The following IRS2 variants were observed in gnomAD, a reference collection of about 807,000 sequenced individuals.
IRS2 encodes the protein insulin receptor substrate 2.
IRS2 carries 28 observed loss-of-function variants against 70.9 expected under a neutral mutation model. That is an observed-to-expected ratio of 0.39 (90% CI 0.29 to 0.54). IRS2 has a LOEUF of 0.54. IRS2 is among the 20% of genes least tolerant of loss of function. The pLI is 0.59. For synonymous variants in IRS2, 1,217 were observed against 981.9 expected (o/e 1.24, Z -4.48); for missense variants, 2,081 against 2,024.1 (o/e 1.03, Z -0.54).
chr13:109,759,311 AT>A (rs1292125284), intron 1 of IRS2, among the ~76,000 whole-genome samples: 1 of 152,116 alleles, frequency 6.6e-6, no homozygotes, highest in Non-Finnish European at 1.5e-5. Context: ...TTGCTTAGAC[AT>A]CCCCCCACCC....
intron 1 of IRS2, among the ~76,000 whole-genome samples, chr13:109,761,889 A>G (rs908086368): frequency 6.6e-6 from 1 of 152,212 alleles, no homozygotes; most frequent in Non-Finnish European, 1.5e-5. Context: ...GATGTTAATG[A>G]CACAATACAA....
Position 109,785,534 on chromosome 13 carries a change from AGCCGCCCAGGGC to A in IRS2, c.508_519del (p.Ala170_Gly173del), listed in dbSNP as rs1251252929. The A allele has an allele frequency of 6.3e-6, 10 of 1,583,126 alleles. No homozygotes were observed. The highest frequency in any genetic ancestry group is 8.6e-6 in the Non-Finnish European group (10 of 1,165,308). On this transcript the variant is annotated inframe_deletion, in exon 1 of 2. Transcript: ENST00000375856. This position sits in a 1 kb window ranked among gnomAD's most constrained non-coding sequence, Gnocchi z 9.3. ...TCCTCGGCCCCGGCGGCGCCGGCAG[AGCCGCCCAGGGC>A]GCCGGGCAGGGAGGCGCTGCAGGAC...
Position 109,782,477 on chromosome 13 carries a change from C to T in IRS2, c.3577G>A (p.Gly1193Ser), listed in dbSNP as rs767707896. The T allele has an allele frequency of 1.3e-6, 2 of 1,558,912 alleles. No homozygotes were observed. Among genetic ancestry groups the T allele is most frequent in the Non-Finnish European group, 1.7e-6 (2 of 1,152,290 alleles). Reference protein sequence around the residue: ...RKSSEGGVGVGPGGGDEPPTS... With the variant: ...RKSSEGGVGVSPGGGDEPPTS... ...GGCGGCTCGTCGCCCCCTCCAGGGC[C>T]GACACCCACGCCGCCCTCGCTGCTT... The change falls in exon 1 of 2, where the codon GGC becomes AGC. Residue 1193 changes from glycine to serine, a missense_variant. Transcript: ENST00000375856.
chr13:109,776,746 C>T (rs1877588148), intron 1 of IRS2, among the ~76,000 whole-genome samples: 1 of 152,156 alleles, frequency 6.6e-6, no homozygotes, highest in Non-Finnish European at 1.5e-5. Context: ...TCATCTCCTC[C>T]ATGCCAAATG....
chr13:109,784,158 G>C lies in IRS2; in HGVS notation c.1896C>G (p.Tyr632Ter), dbSNP rs1354848601. 1 of 1,589,798 alleles carries C rather than the reference G, an allele frequency of 6.3e-7. No homozygotes were observed. Among genetic ancestry groups the C allele is most frequent in the Non-Finnish European group, 8.5e-7 (1 of 1,173,552 alleles). ...TGTGGGAGCCGATCTCGATGTCTCC[G>C]TAGTCCTCTGGGTAGGGGTGGTAGG... ...KVAYHPYPED[Y>*]GDIEIGSHRS... is the part of the protein sequence containing the mutation. The change falls in exon 1 of 2, where the codon TAC (tyrosine) becomes TAG (stop). Residue 632 changes from tyrosine (Y) to a stop codon, truncating the protein, a stop_gained. Transcript: ENST00000375856. LOFTEE classifies it high-confidence loss of function. The surrounding 1 kb of genome is among the most constrained non-coding windows in gnomAD (Gnocchi z 5.2).
At chr13:109,773,550 G>A (rs1480974690) in intron 1 of IRS2, among the ~76,000 whole-genome samples, 3 of 152,142 alleles carry the variant, frequency 2.0e-5, no homozygotes, top group East Asian at 3.8e-4. Flanking sequence ...TAGGCCTTTC[G>A]ATTTCACTGG....
chr13:109,760,104 T>C (rs1877195494), intron 1 of IRS2, among the ~76,000 whole-genome samples: 1 of 152,322 alleles, frequency 6.6e-6, no homozygotes, highest in Non-Finnish European at 1.5e-5. Flanking sequence ...ATGATCAAAC[T>C]TCAGGCTTCC....
intron 1 of IRS2, among the ~76,000 whole-genome samples, chr13:109,764,470 A>C (rs561663642): frequency 3.3e-4 from 51 of 152,312 alleles, no homozygotes; most frequent in African/African-American, 1.1e-3. Context: ...AAAATATATA[A>C]ATAATTAATA....
Position 109,785,001 on chromosome 13 carries a change from C to T in IRS2, c.1053G>A (p.Pro351=). The T allele has an allele frequency of 7.1e-7, 1 of 1,408,162 alleles. No homozygotes were observed. Among genetic ancestry groups the T allele is most frequent in the Non-Finnish European group, 9.2e-7 (1 of 1,087,294 alleles). The allele number at this position is 1,408,162 out of a possible 1,614,324, so 87.2% of individuals were successfully genotyped here. ...GGCACGAGCTGCACTTGGCCGCCGG[C>T]GGGGTGGCGGCCAGGCTGTCGGTGC... ...RSRTDSLAAT[P]PAAKCSSCRV... The change falls in exon 1 of 2, where the codon CCG becomes CCA. Residue 351 remains proline, a synonymous_variant. Transcript: ENST00000375856. This position sits in a 1 kb window ranked among gnomAD's most constrained non-coding sequence, Gnocchi z 9.3.
In IRS2 at chr13:109,784,785, GC is replaced by G; in HGVS notation, c.1268del (p.Gly423AlafsTer121). Reference protein sequence around the residue: ...GSKVALLPAGGALQHSRSMSM... With the variant: ...GSKVALLPAGXALQHSRSMSM... ...ACATGGAGCGGCTGTGTTGCAGCGC[GC>G]CCCCTGCCGGCAGCAGCGCCACCTT... On this transcript the variant is annotated frameshift_variant, in exon 1 of 2. Transcript: ENST00000375856. LOFTEE classifies it high-confidence loss of function. This position sits in a 1 kb window ranked among gnomAD's most constrained non-coding sequence, Gnocchi z 5.2. 11 of 1,255,424 alleles carry G rather than the reference GC, an allele frequency of 8.8e-6. No homozygotes were observed. The highest frequency in any genetic ancestry group is 2.5e-5 in the South Asian group (1 of 40,114). The allele number at this position is 1,255,424 out of a possible 1,614,324, so 77.8% of individuals were successfully genotyped here.
intron 1 of IRS2, among the ~76,000 whole-genome samples, chr13:109,770,000 G>A (rs139411929): frequency 6.6e-6 from 1 of 152,244 alleles, no homozygotes; most frequent in Non-Finnish European, 1.5e-5. Context: ...ACTGCAAAAG[G>A]TGGCAAAAGG....
intron 1 of IRS2, among the ~76,000 whole-genome samples, chr13:109,778,539 A>G (rs1361542048): frequency 6.6e-6 from 1 of 152,220 alleles, no homozygotes; most frequent in Non-Finnish European, 1.5e-5. Context: ...CACCCGCCAC[A>G]GCAAACAGAA....
rs768683975 is a variant in IRS2, at chr13:109,783,774, C to G, written c.2280G>C (p.Leu760=). 1.3e-6 allele frequency: 2 copies of G among 1,597,246 alleles called. No homozygotes were observed. The highest frequency in any genetic ancestry group is 2.3e-5 in the East Asian group (1 of 43,872). The part of the protein sequence containing the change: ...KLSMEHADGK[L]LPNGDYLNVS... The stretch of plus-strand genomic sequence containing the variant: ...CGTTGAGGTAGTCCCCGTTGGGCAG[C>G]AGCTTGCCATCTGCATGCTCCATGG... The change falls in exon 1 of 2, where the codon CTG becomes CTC. Residue 760 remains leucine (L), a synonymous_variant. Transcript: ENST00000375856.
In IRS2 at chr13:109,785,370, G is replaced by A. The variant is rs1269609206; in HGVS notation, c.684C>T (p.Phe228=). The A allele has an allele frequency of 6.2e-7, 1 of 1,612,402 alleles. No individual in the cohort carries two copies. The highest frequency in any genetic ancestry group is 8.5e-7 in the Non-Finnish European group (1 of 1,179,868). ...ACGGCTGCTCGCAGTTGAGCTTCAC[G>A]AAGCCGATGGTGCGCGCAGACAGGC... ...RLCLSARTIG[F]VKLNCEQPSV... The change falls in exon 1 of 2, where the codon TTC becomes TTT. Residue 228 remains phenylalanine, a synonymous_variant. Coordinates refer to ENST00000375856, the MANE Select transcript of IRS2 (RefSeq NM_003749.3). The surrounding 1 kb of genome is among the most constrained non-coding windows in gnomAD (Gnocchi z 9.3).
chr13:109,783,918 G>A lies in IRS2; in HGVS notation c.2136C>T (p.Pro712=), dbSNP rs1276466845. ...GGAATGTCCTGCCCGCCGCAGAGGT[G>A]GGTGCTGGCCCCGCAGGCCCCGCAG... ...VPSAGPAGPA[P]TSAAGRTFPA... is the part of the protein sequence containing the mutation. The change falls in exon 1 of 2, where the codon CCC becomes CCT. Residue 712 remains proline, a synonymous_variant. Coordinates refer to ENST00000375856, the MANE Select transcript of IRS2 (RefSeq NM_003749.3). The A allele has an allele frequency of 6.5e-7, 1 of 1,543,850 alleles. No individual in the cohort carries two copies. Among genetic ancestry groups the A allele is most frequent in the South Asian group, 1.2e-5 (1 of 84,062 alleles).
rs375324802 is a variant in IRS2 at position 109,755,214 on chromosome 13, C to CTTTTTTTTTTTTTTTTTTTTT, written c.*1089_*1090insAAAAAAAAAAAAAAAAAAAAA. ...CTCTTTTTATCAGTTTCTTTCTTTC[C>CTTTTTTTTTTTTTTTTTTTTT]TTTTTTTTTTTTCTTTTTGTTTTTT... On this transcript the variant is annotated 3_prime_UTR_variant, in exon 2 of 2. Coordinates refer to ENST00000375856, the MANE Select transcript of IRS2 (RefSeq NM_003749.3). 1 of 194,036 alleles carries CTTTTTTTTTTTTTTTTTTTTT rather than the reference C, an allele frequency of 5.2e-6. No homozygotes were observed. Among genetic ancestry groups the CTTTTTTTTTTTTTTTTTTTTT allele is most frequent in the Non-Finnish European group, 1.0e-5 (1 of 98,338 alleles). The allele number at this position is 194,036 out of a possible 1,614,324, so 12.0% of individuals were successfully genotyped here. A position where few individuals can be genotyped will look rare whatever the true frequency, so the allele number is the denominator to read the frequency against.
chr13:109,759,198 G>A (rs574695863), intron 1 of IRS2, among the ~76,000 whole-genome samples: 16 of 152,152 alleles, frequency 1.1e-4, no homozygotes, highest in African/African-American at 3.1e-4. Context: ...CGCTTTCAAC[G>A]GCCGCCTCCT....
In IRS2 at chr13:109,784,651, G is replaced by A. The variant is rs2138936458; in HGVS notation, c.1403C>T (p.Pro468Leu). Reference protein sequence around the residue: ...SYPPPPGPHPPLPHPLHHGPG... With the variant: ...SYPPPPGPHPLLPHPLHHGPG... ...GCCGTGGTGCAGCGGATGCGGCAGA[G>A]GCGGGTGCGGGCCGGGCGGCGGCGG... The change falls in exon 1 of 2, where the codon CCT becomes CTT. Residue 468 changes from proline (P) to leucine (L), a missense_variant. By Grantham distance (98) the Pro-to-Leu change is moderately conservative (BLOSUM62 -3). This residue lies in a region of IRS2 where 1,615 missense variants were observed against 1,459.5 expected (regional missense o/e 1.11). Transcript: ENST00000375856. This position sits in a 1 kb window ranked among gnomAD's most constrained non-coding sequence, Gnocchi z 5.2. The A allele has an allele frequency of 2.4e-6, 3 of 1,256,038 alleles. No homozygotes were observed. The highest frequency in any genetic ancestry group is 2.0e-6 in the Non-Finnish European group (2 of 1,003,520). 77.8% of individuals were successfully genotyped at this position (1,256,038 alleles called of 1,614,324 possible).
chr13:109,774,757 A>G (rs1396936499), intron 1 of IRS2, among the ~76,000 whole-genome samples: 2 of 152,178 alleles, frequency 1.3e-5, no homozygotes, highest in Non-Finnish European at 2.9e-5. Flanking sequence ...TGCCTATGCC[A>G]TAGGATTTTT....
Sources: allele counts gnomAD v4.1 joint callset (sites outside exome capture counted in the v4.1 genomes callset), GRCh38; gene constraint gnomAD v4.1.1; regional missense constraint gnomAD v4.1.1; non-coding constraint Gnocchi (gnomAD v3.1); transcripts MANE v1.5; gene names NCBI Gene and HGNC (gene_info 2026-07-23, HGNC 2026-07-21).